WDFY3: variants seen among roughly 807,000 people sequenced by gnomAD.
The protein encoded by WDFY3 is WD repeat and FYVE domain-containing protein 3.
Under a neutral mutation model 409.6 loss-of-function variants are expected in WDFY3, and 66 were observed. The ratio of observed to expected loss-of-function variants is 0.16; its 90% CI spans 0.13 to 0.20. WDFY3 has a LOEUF of 0.20. Among genes scored for constraint, WDFY3 ranks in the 10% least tolerant of loss-of-function variants. The probability of loss-of-function intolerance (pLI) is 1.00; values close to 1 mark genes in which losing one functional copy is unlikely to be tolerated. For synonymous variants in WDFY3, 1,521 were observed against 1,537.1 expected (o/e 0.99, Z 0.25); for missense variants, 3,031 against 4,298.1 (o/e 0.71, Z 8.24).
At chr4:84,707,761 CTCT>C (rs546299462) in intron 53 of WDFY3, among the ~76,000 whole-genome samples, 16 of 152,176 alleles carry the variant, frequency 1.1e-4, no homozygotes, top group Admixed American at 3.9e-4. Context: ...TACTCCTGAG[CTCT>C]TCTTTTCCTT....
intron 30 of WDFY3, among the ~76,000 whole-genome samples, chr4:84,767,431 CGAAA>C (rs1341808006): frequency 6.6e-6 from 1 of 151,792 alleles, no homozygotes; most frequent in East Asian, 1.9e-4. Flanking sequence ...GATGTTCAAG[CGAAA>C]GAAAGACTCA....
intron 30 of WDFY3, among the ~76,000 whole-genome samples, chr4:84,769,963 C>T (rs1460477430): frequency 6.6e-6 from 1 of 152,022 alleles, no homozygotes; most frequent in Non-Finnish European, 1.5e-5. Context: ...GAAAAAATTA[C>T]AATTTGCTGA....
chr4:84,732,056 G>A (rs370276445), intron 44 of WDFY3, among the ~76,000 whole-genome samples: 7 of 152,110 alleles, frequency 4.6e-5, no homozygotes, highest in South Asian at 2.1e-4. Flanking sequence ...CTAGTAACAG[G>A]CTGCAAAAAT....
intron 59 of WDFY3, 84 bp downstream of exon 59, chr4:84,692,801 A>C: frequency 1.4e-6 from 2 of 1,394,160 alleles, no homozygotes; most frequent in Non-Finnish European, 1.9e-6. Flanking sequence ...GCTATCGTCA[A>C]AAAGCAAATT....
intron 2 of WDFY3, among the ~76,000 whole-genome samples, chr4:84,904,270 C>A (rs1472027180): frequency 6.6e-6 from 1 of 152,090 alleles, no homozygotes; most frequent in African/African-American, 2.4e-5. Context: ...GACGGAGTTT[C>A]GCTCTTGTTG....
chr4:84,727,171 A>C (rs1339724853), intron 44 of WDFY3, among the ~76,000 whole-genome samples: 4 of 152,102 alleles, frequency 2.6e-5, no homozygotes, highest in African/African-American at 9.7e-5. Context: ...TACAAATCAC[A>C]CAGGCAAAAC....
chr4:84,833,688 A>AAAGAAAAGAG lies in WDFY3; in HGVS notation c.577-2084_577-2083insCTCTTTTCTT, dbSNP rs754643352. On this transcript the variant is annotated intron_variant, in intron 7 of 67. Coordinates refer to ENST00000295888, the MANE Select transcript of WDFY3 (RefSeq NM_014991.6). ...AAAGAAAAGAAAAGAAAAGAAAAGA[A>AAAGAAAAGAG]AAGAGAAGAGAAGAGAAGAGAACAG... Among the ~76,000 whole-genome samples the AAAGAAAAGAG allele has an allele frequency of 8.8e-3, 1,315 of 149,518 alleles. 20 individuals carry two copies. The highest frequency in any genetic ancestry group is 0.03 in the African/African-American group (1,207 of 40,178).
chr4:84,797,567 T>TATTTATTTA (rs1297341558), intron 18 of WDFY3, among the ~76,000 whole-genome samples: 1 of 150,324 alleles, frequency 6.7e-6, no homozygotes, highest in Non-Finnish European at 1.5e-5. Context: ...CTTATTTATT[T>TATTTATTTA]ATTTATTTAT....
chr4:84,728,055 A>G (rs1160485007), intron 44 of WDFY3, among the ~76,000 whole-genome samples: 3 of 152,170 alleles, frequency 2.0e-5, no homozygotes, highest in Non-Finnish European at 4.4e-5. Flanking sequence ...AAGAAAGAAA[A>G]AAAAATCACT....
chr4:84,814,611 T>C (rs1753001945), intron 13 of WDFY3, among the ~76,000 whole-genome samples: 1 of 152,130 alleles, frequency 6.6e-6, no homozygotes. Context: ...TGTTAGTCAC[T>C]GAGCAGAGTC....
At chr4:84,676,039 G>A (rs1004623578) in intron 67 of WDFY3, among the ~76,000 whole-genome samples, 2 of 152,098 alleles carry the variant, frequency 1.3e-5, no homozygotes, top group Non-Finnish European at 2.9e-5. Flanking sequence ...GAATTCTTAA[G>A]GCACAAAAAA....
At chr4:84,788,935 G>T (rs1417628486) in intron 22 of WDFY3, among the ~76,000 whole-genome samples, 1 of 152,110 alleles carries the variant, frequency 6.6e-6, no homozygotes, top group East Asian at 1.9e-4. Context: ...CAGGAGAATT[G>T]CTCATACCCA....
Position 84,676,155 on chromosome 4 carries a change from G to A in WDFY3, c.10457+1044C>T, listed in dbSNP as rs530402726. On this transcript the variant is annotated intron_variant, in intron 67 of 67. Transcript: ENST00000295888. ...AACACAAGCCACAGACTGGCAGAAC[G>A]TATCTGCAAGATATATAAAAAACAA... Among the ~76,000 whole-genome samples the A allele has an allele frequency of 1.1e-3, 173 of 151,768 alleles. 1 individual carries two copies. Among genetic ancestry groups the A allele is most frequent in the Non-Finnish European group, 2.1e-3 (146 of 67,994 alleles).
chr4:84,808,472 C>G, intron 14 of WDFY3, 55 bp from the exon 15 acceptor site: 2 of 1,493,026 alleles, frequency 1.3e-6, no homozygotes, highest in Non-Finnish European at 1.8e-6. Context: ...AAGAGAACAC[C>G]AGGTTGGCAG....
At chr4:84,814,404 C>T (rs1048971843) in intron 13 of WDFY3, among the ~76,000 whole-genome samples, 2 of 152,156 alleles carry the variant, frequency 1.3e-5, no homozygotes, top group African/African-American at 4.8e-5. Flanking sequence ...CCCTTCTCTG[C>T]AGTTTTGCTT....
chr4:84,919,965 T>C (rs550697634), intron 2 of WDFY3, among the ~76,000 whole-genome samples: 2 of 152,290 alleles, frequency 1.3e-5, no homozygotes, highest in South Asian at 2.1e-4. Context: ...CTCAGAAAGA[T>C]ATATTCCTTA....
rs1282424551 is a variant in WDFY3 at position 84,821,139 on chromosome 4, A to G, written c.1536T>C (p.Leu512=). 1 of 1,613,566 alleles carries G rather than the reference A, an allele frequency of 6.2e-7. No homozygotes were observed. The highest frequency in any genetic ancestry group is 2.2e-5 in the East Asian group (1 of 44,860). The change falls in exon 11 of 68, where the codon CTT becomes CTC. Residue 512 remains leucine, a synonymous_variant. Transcript: ENST00000295888. ...EVGLLEVMVN[L]LHKYAALLKD... ...TCAACAGGGCAGCATATTTATGCAA[A>G]AGGTTTACCATGACCTCCAAAAGGC... is the stretch of plus-strand genomic sequence containing the variant.
intron 1 of WDFY3, among the ~76,000 whole-genome samples, chr4:84,952,476 C>G (rs1773729741): frequency 6.6e-6 from 1 of 152,116 alleles, no homozygotes; most frequent in Non-Finnish European, 1.5e-5. Context: ...TACTGAATGA[C>G]CTGAGGCAAA....
At chr4:84,817,312 C>G in intron 13 of WDFY3, 80 bp downstream of exon 13, 2 of 1,545,168 alleles carry the variant, frequency 1.3e-6, no homozygotes, top group South Asian at 1.2e-5. Flanking sequence ...ATTTCCCTGT[C>G]TCTAACTTAA....
Sources: gnomAD v4.1 joint callset for allele counts (sites outside exome capture counted in the v4.1 genomes callset) on GRCh38, gnomAD v4.1.1 for gene constraint, MANE v1.5 for transcripts, NCBI Gene and HGNC (gene_info 2026-07-23, HGNC 2026-07-21) for gene names.